RYR3: variants seen among roughly 807,000 people sequenced by gnomAD.
RYR3 encodes ryanodine receptor 3.
RYR3 carries 207 observed loss-of-function variants against 584.3 expected under a neutral mutation model. That is an observed-to-expected ratio of 0.35 (90% CI 0.32 to 0.40). The LOEUF is 0.40. RYR3 is among the 10% of genes least tolerant of loss of function. The pLI is 1.00. For missense variants in RYR3, 5,616 were observed against 6,089.2 expected (o/e 0.92, Z 2.59); for synonymous variants, 2,416 against 2,248.5 (o/e 1.07, Z -2.11).
chr15:33,736,206 T>A (rs1179763888), intron 48 of RYR3, 29 bp from the exon 49 acceptor site: 1 of 1,377,124 alleles, frequency 7.3e-7, no homozygotes, highest in African/African-American at 1.4e-5. Context: ...TTCATTTTAT[T>A]TATCTACGTT....
intron 86 of RYR3, among the ~76,000 whole-genome samples, 159 bp downstream of exon 86, chr15:33,831,250 T>G (rs576430632): frequency 6.6e-6 from 1 of 152,398 alleles, no homozygotes; most frequent in East Asian, 1.9e-4. Flanking sequence ...CAATAGTACC[T>G]GCATTCCACA....
intron 5 of RYR3, among the ~76,000 whole-genome samples, chr15:33,535,278 G>A (rs545507804): frequency 3.3e-5 from 5 of 152,218 alleles, no homozygotes; most frequent in Non-Finnish European, 7.3e-5. Context: ...TCCAAACCGT[G>A]TGTACTTGCT....
chr15:33,447,614 A>G (rs1490692547), intron 1 of RYR3, among the ~76,000 whole-genome samples: 3 of 152,178 alleles, frequency 2.0e-5, no homozygotes, highest in East Asian at 1.9e-4. Flanking sequence ...AAGGACTGTC[A>G]CAGATAAAAT....
intron 67 of RYR3, among the ~76,000 whole-genome samples, chr15:33,789,647 TATATATATATA>T (rs1429149451): frequency 3.9e-4 from 11 of 27,964 alleles, no homozygotes; most frequent in African/African-American, 9.1e-4. Context: ...TATATATATA[TATATATATATA>T]TTTTTTTTTT....
chr15:33,430,577 A>G (rs982987908), intron 1 of RYR3, among the ~76,000 whole-genome samples: 6 of 152,200 alleles, frequency 3.9e-5, no homozygotes, highest in African/African-American at 1.4e-4. Context: ...TTCTGTCCTC[A>G]GTTTCCCCCT....
At chr15:33,622,582 T>C (rs1179020066) in intron 19 of RYR3, among the ~76,000 whole-genome samples, 1 of 152,234 alleles carries the variant, frequency 6.6e-6, no homozygotes, top group African/African-American at 2.4e-5. Context: ...ATATACCTTG[T>C]TCATTGCTGA....
intron 9 of RYR3, 22 bp from the exon 10 acceptor site, chr15:33,550,138 C>T: frequency 6.2e-7 from 1 of 1,605,156 alleles, no homozygotes; most frequent in Non-Finnish European, 8.5e-7. Context: ...AATGCAATTT[C>T]TTGTCTGTTT....
chr15:33,725,974 C>CCCCCG (rs1555427644), intron 45 of RYR3, among the ~76,000 whole-genome samples: 3,283 of 37,416 alleles, frequency 0.088, 775 homozygotes, highest in Non-Finnish European at 0.15. Flanking sequence ...CATCCCCCCC[C>CCCCCG]CCAAAAAAAA....
chr15:33,834,371 G>C (rs1236095663), intron 86 of RYR3, among the ~76,000 whole-genome samples: 1 of 151,276 alleles, frequency 6.6e-6, no homozygotes, highest in Non-Finnish European at 1.5e-5. Flanking sequence ...CTCTACATTT[G>C]GCTTTCAGAA....
In RYR3 at chr15:33,838,395, G is replaced by A. The variant is rs1161518341; in HGVS notation, c.12415G>A (p.Ala4139Thr). 6.2e-7 allele frequency: 1 copy of A among 1,613,994 alleles called. No homozygotes were observed. Among genetic ancestry groups the A allele is most frequent in the East Asian group, 2.2e-5 (1 of 44,886 alleles). ...GGAAGAAGACGGGTCTCTTGAGCCG[G>A]CCTCTGCATTTGCTATGGCCTGTGC... ...EEEEDGSLEPASAFAMACASV... is the reference protein window; with the variant it reads ...EEEEDGSLEPTSAFAMACASV... Residue 4139 changes from alanine (A) to threonine (T), a missense_variant, in exon 89 of 104, where the codon GCC becomes ACC. Transcript: ENST00000634891.
At chr15:33,827,883 G>A (rs1363189649) in intron 85 of RYR3, among the ~76,000 whole-genome samples, 2 of 152,164 alleles carry the variant, frequency 1.3e-5, no homozygotes, top group Non-Finnish European at 2.9e-5. Context: ...CTATGCCATA[G>A]GGTGGTAGTA....
At chr15:33,693,537 C>T (rs2065605127) in intron 38 of RYR3, among the ~76,000 whole-genome samples, 1 of 152,202 alleles carries the variant, frequency 6.6e-6, no homozygotes, top group Admixed American at 6.5e-5. Flanking sequence ...AAGAGGCATT[C>T]CCTCCCTAAG....
chr15:33,427,839 A>G (rs1489921342), intron 1 of RYR3, among the ~76,000 whole-genome samples: 1 of 152,092 alleles, frequency 6.6e-6, no homozygotes, highest in Non-Finnish European at 1.5e-5. Flanking sequence ...CTTTTCCCCC[A>G]TTTCCGCTGG....
rs564380634 is a variant in RYR3, at chr15:33,749,098, G to A, written c.8199+568G>A. On this transcript the variant is annotated intron_variant, in intron 55 of 103. Transcript: ENST00000634891. ...TTGGTTGAATCCACAGATGCAGAAC[G>A]CATGGTTAAGGAAGGCTGACTATAC... Among the ~76,000 whole-genome samples the A allele has an allele frequency of 1.2e-4, 18 of 152,238 alleles. No homozygotes were observed. In the South Asian group the frequency reaches 1.9e-3, roughly 16 times the overall value.
chr15:33,864,983 G>C (rs903729079), intron 103 of RYR3, 148 bp from the exon 104 acceptor site: 11 of 601,356 alleles, frequency 1.8e-5, no homozygotes, highest in Admixed American at 1.2e-4. Flanking sequence ...AGCCTGTGCT[G>C]GGAATAGAGC....
In RYR3 at chr15:33,853,496, C is replaced by T. The variant is rs80170683; in HGVS notation, c.13672-59C>T. 2.2e-5 allele frequency: 35 copies of T among 1,585,876 alleles called. No individual in the cohort carries two copies. In the African/African-American group the frequency reaches 4.7e-4, roughly 21 times the overall value. ...CAGCAAAGCTCTGAAGACCCCAGAG[C>T]TAGAAAATATTTGGTGGTGGCGTGT... On this transcript the variant is annotated intron_variant, in intron 95 of 103. Transcript: ENST00000634891.
At position 33,739,859 on chromosome 15, in the gene RYR3, G is replaced by T. The variant is rs2069898108; in HGVS notation, c.7684G>T (p.Ala2562Ser). 3 of 1,613,606 alleles carry T rather than the reference G, an allele frequency of 1.9e-6. No individual in the cohort carries two copies. The Admixed American group carries it at 5.0e-5, about 27-fold the overall frequency. Residue 2562 changes from alanine to serine, a missense_variant, in exon 51 of 104, where the codon GCC becomes TCC. By Grantham distance (99) the Ala-to-Ser change is moderately conservative. This residue lies in a region of RYR3 where 1,280 missense variants were observed against 1,426.2 expected (regional missense o/e 0.90). Transcript: ENST00000634891. ...ATATGACCCAGATCTTTTCCGAATG[G>T]CCCTGCCTTGTCTCAGTGCTATAGC... ...KKYDPDLFRM[A>S]LPCLSAIAGA...
At chr15:33,739,722 C>G in intron 50 of RYR3, 110 bp from the exon 51 acceptor site, 1 of 874,648 alleles carries the variant, frequency 1.1e-6, no homozygotes, top group Non-Finnish European at 1.7e-6. Flanking sequence ...TTTGGTTAAC[C>G]TGGATAAATG....
At chr15:33,431,362 C>T (rs2045128445) in intron 1 of RYR3, among the ~76,000 whole-genome samples, 1 of 152,102 alleles carries the variant, frequency 6.6e-6, no homozygotes, top group South Asian at 2.1e-4. Flanking sequence ...TTATGAGATA[C>T]CATATAGTTT....
Sources: gnomAD v4.1 joint callset for allele counts (sites outside exome capture counted in the v4.1 genomes callset) on GRCh38, gnomAD v4.1.1 for gene constraint, gnomAD v4.1.1 regional missense constraint, MANE v1.5 for transcripts, NCBI Gene and HGNC (gene_info 2026-07-23, HGNC 2026-07-21) for gene names.